TUT7: variants seen among roughly 807,000 people sequenced by gnomAD.
The protein encoded by TUT7 is terminal uridylyltransferase 7.
TUT7 carries 33 observed loss-of-function variants against 165.9 expected under a neutral mutation model. The observed-to-expected ratio is 0.20, with a 90% CI of 0.15 to 0.27. The LOEUF (loss-of-function observed/expected upper bound fraction) is 0.27, where lower values mean the gene tolerates loss of function less well. Among genes scored for constraint, TUT7 ranks in the 10% least tolerant of loss-of-function variants. TUT7 has a pLI of 1.00. For missense variants in TUT7, 1,338 were observed against 1,762.3 expected (o/e 0.76, Z 4.31); for synonymous variants, 552 against 608.1 (o/e 0.91, Z 1.36).
rs1829521472 is a variant in TUT7 at position 86,323,566 on chromosome 9, T to C, written c.2184A>G (p.Gln728=). 1.2e-6 allele frequency: 2 copies of C among 1,614,130 alleles called. No individual in the cohort carries two copies. The highest frequency in any genetic ancestry group is 1.3e-5 in the African/African-American group (1 of 74,940). ...TGTAATCATCAGAGTTAACATCTGC[T>C]TGGATACAGTCTGAGTTTTCAGGGT... is the stretch of plus-strand genomic sequence containing the variant. ...SVHPENSDCI[Q]ADVNSDDYKG... Residue 728 remains glutamine, a synonymous_variant, in exon 13 of 27, where the codon CAA becomes CAG. Coordinates refer to ENST00000375963, the MANE Select transcript of TUT7 (RefSeq NM_024617.4).
At chr9:86,334,102 C>T (rs947506914) in intron 10 of TUT7, among the ~76,000 whole-genome samples, 1 of 152,142 alleles carries the variant, frequency 6.6e-6, no homozygotes, top group Non-Finnish European at 1.5e-5. Context: ...CTCCTACTAC[C>T]ACCCTTACTT....
chr9:86,300,267 T>G (rs1297672427), intron 26 of TUT7, among the ~76,000 whole-genome samples: 2 of 152,042 alleles, frequency 1.3e-5, no homozygotes, highest in African/African-American at 4.8e-5. Flanking sequence ...TCTCCTGTCT[T>G]AAAAAAAGAT....
At chr9:86,318,860 T>A in intron 16 of TUT7, 98 bp downstream of exon 16, 1 of 849,712 alleles carries the variant, frequency 1.2e-6, no homozygotes, top group East Asian at 2.5e-5. Flanking sequence ...CTATATGGTA[T>A]GCCCTGATAA....
rs1282088250 is a variant in TUT7, at chr9:86,353,136, C to G, written c.64G>C (p.Asp22His). 1 of 1,611,646 alleles carries G rather than the reference C, an allele frequency of 6.2e-7. No homozygotes were observed. ...TGGGGGTGACCCCTTCTGAAGTCAT[C>G]ATCATCCATAGTCCCCCGGTCTTTA... ...RTKDRGTMDD[D>H]DFRRGHPQQD... The change falls in exon 2 of 27, where the codon GAT becomes CAT. Residue 22 changes from aspartate to histidine, a missense_variant. Physicochemically the swap from Asp to His is moderately conservative, Grantham distance 81. Around this residue, in one of 7 missense-constraint regions of TUT7, gnomAD observed 434 missense variants for 480.8 expected, o/e 0.90. Coordinates refer to ENST00000375963, the MANE Select transcript of TUT7 (RefSeq NM_024617.4).
intron 14 of TUT7, 101 bp from the exon 15 acceptor site, chr9:86,319,771 T>G (rs551555715): frequency 2.6e-6 from 2 of 782,798 alleles, no homozygotes; most frequent in South Asian, 3.3e-5. Context: ...CTTACAAGCT[T>G]AAATTTAAAA....
At chr9:86,336,558 T>C (rs77206558) in intron 10 of TUT7, among the ~76,000 whole-genome samples, 2,948 of 152,334 alleles carry the variant, frequency 0.019, 56 homozygotes, top group Non-Finnish European at 0.029. Context: ...GAAAAAATTC[T>C]CTTTAAATGT....
Position 86,340,064 on chromosome 9 carries a change from G to C in TUT7, c.1180C>G (p.Pro394Ala). 6.2e-7 allele frequency: 1 copy of C among 1,613,774 alleles called. No individual in the cohort carries two copies. Among genetic ancestry groups the C allele is most frequent in the Non-Finnish European group, 8.5e-7 (1 of 1,179,794 alleles). The change falls in exon 8 of 27, where the codon CCA (proline) becomes GCA (alanine). Residue 394 changes from proline (P) to alanine (A), a missense_variant. By Grantham distance (27) the Pro-to-Ala change is conservative (BLOSUM62 -1). Transcript: ENST00000375963. ...DVDADFHARV[P>A]VVVCREKQSG... ...TGCTTTTCTCTGCACACCACCACTG[G>C]CACCCTAGCATGGAAGTCTGCATCA... is the stretch of plus-strand genomic sequence containing the variant.
intron 10 of TUT7, among the ~76,000 whole-genome samples, chr9:86,336,358 CCT>C (rs1830781493): frequency 6.6e-6 from 1 of 151,994 alleles, no homozygotes; most frequent in African/African-American, 2.4e-5. Flanking sequence ...GTAGAGATAC[CCT>C]CTCATGGCTC....
rs774811677 is a variant in TUT7, at chr9:86,346,475, T to C, written c.526A>G (p.Lys176Glu). 2 of 1,610,442 alleles carry C rather than the reference T, an allele frequency of 1.2e-6. No homozygotes were observed. The highest frequency in any genetic ancestry group is 1.7e-6 in the Non-Finnish European group (2 of 1,178,862). The change falls in exon 3 of 27, where the codon AAG becomes GAG. Residue 176 changes from lysine (K) to glutamate (E), a missense_variant. This residue lies in a region of TUT7 where 434 missense variants were observed against 480.8 expected (regional missense o/e 0.90). Coordinates refer to ENST00000375963, the MANE Select transcript of TUT7 (RefSeq NM_024617.4). Reference sequence around the variant, plus strand: ...TTCCTAGGTCTGGACCTCTGCTTCTTGTTTTCTTAAGGTGGGGGAAAAATA... The same window carrying C: ...TTCCTAGGTCTGGACCTCTGCTTCTCGTTTTCTTAAGGTGGGGGAAAAATA... ...SEMEAGSPENKKQRSRPRKPR... is the reference protein window; with the variant it reads ...SEMEAGSPENEKQRSRPRKPR...
intron 3 of TUT7, 36 bp from the exon 4 acceptor site, chr9:86,345,821 A>G: frequency 1.4e-6 from 2 of 1,406,556 alleles, no homozygotes; most frequent in East Asian, 4.6e-5. Context: ...AGAGAGACAT[A>G]AGTAAAACCA....
At chr9:86,317,394 T>A (rs1828819075) in intron 16 of TUT7, 118 bp from the exon 17 acceptor site, 1 of 865,882 alleles carries the variant, frequency 1.2e-6, no homozygotes, top group Non-Finnish European at 1.8e-6. Context: ...TCTATATCTA[T>A]TTTTTTCCTT....
At chr9:86,321,455 G>T (rs1829289213) in intron 14 of TUT7, among the ~76,000 whole-genome samples, 2 of 152,098 alleles carry the variant, frequency 1.3e-5, no homozygotes, top group Admixed American at 6.5e-5. Flanking sequence ...CTGGCCAGGC[G>T]CCATGGCTCA....
At chr9:86,325,184 A>T in intron 12 of TUT7, 150 bp downstream of exon 12, 2 of 700,144 alleles carry the variant, frequency 2.9e-6, no homozygotes, top group Non-Finnish European at 4.7e-6. Context: ...CACTGTTAAC[A>T]CATGCAAGAT....
intron 2 of TUT7, among the ~76,000 whole-genome samples, chr9:86,348,505 C>A (rs949865977): frequency 2.0e-5 from 3 of 152,060 alleles, no homozygotes; most frequent in African/African-American, 7.2e-5. Context: ...TAATTCCCAG[C>A]ACTTTGGGAG....
At chr9:86,314,398 C>A (rs1002737390) in intron 17 of TUT7, among the ~76,000 whole-genome samples, 17 of 149,332 alleles carry the variant, frequency 1.1e-4, no homozygotes, top group Admixed American at 1.1e-3. Context: ...TGCAAAAAAA[C>A]TGTTTTATTT....
intron 9 of TUT7, among the ~76,000 whole-genome samples, chr9:86,338,145 T>C (rs964560974): frequency 3.3e-5 from 5 of 152,194 alleles, no homozygotes; most frequent in Non-Finnish European, 5.9e-5. Flanking sequence ...GAAGTATCTA[T>C]TGTTATTGAT....
chr9:86,331,501 ATGTATTTTGGTGCCCTCTTAATAGTTGC>A (rs1830312105), intron 10 of TUT7, among the ~76,000 whole-genome samples: 2 of 152,068 alleles, frequency 1.3e-5, no homozygotes, highest in African/African-American at 4.8e-5. Context: ...TTTTTATTTC[ATGTATTTTGGTGCCCTCTTAATAGTTGC>A]AAACATTTAC....
chr9:86,320,530 A>G (rs1829175108), intron 14 of TUT7, among the ~76,000 whole-genome samples: 1 of 152,218 alleles, frequency 6.6e-6, no homozygotes, highest in Non-Finnish European at 1.5e-5. Context: ...GATACCTTCA[A>G]TATGCTAATA....
intron 26 of TUT7, among the ~76,000 whole-genome samples, chr9:86,297,279 T>C (rs1334487841): frequency 1.3e-5 from 2 of 152,218 alleles, no homozygotes; most frequent in Non-Finnish European, 2.9e-5. Flanking sequence ...TCTCACTATA[T>C]GCAGGCGCTG....
Sources: gnomAD v4.1 joint callset for allele counts (sites outside exome capture counted in the v4.1 genomes callset) on GRCh38, gnomAD v4.1.1 for gene constraint, gnomAD v4.1.1 regional missense constraint, MANE v1.5 for transcripts, NCBI Gene and HGNC (gene_info 2026-07-23, HGNC 2026-07-21) for gene names.